Variants in ZC3H12B observed in about 807,000 individuals in gnomAD.
The protein encoded by ZC3H12B is probable ribonuclease ZC3H12B.
A neutral mutation model predicts 43.9 loss-of-function variants in ZC3H12B; 7 were observed. The ratio of observed to expected loss-of-function variants is 0.16; its 90% CI spans 0.09 to 0.30. The LOEUF (loss-of-function observed/expected upper bound fraction) is 0.30, where lower values mean the gene tolerates loss of function less well. Among genes scored for constraint, ZC3H12B ranks in the 10% least tolerant of loss-of-function variants. The pLI is 1.00. For synonymous variants in ZC3H12B, 222 were observed against 241.7 expected (o/e 0.92, Z 0.76); for missense variants, 475 against 670.2 (o/e 0.71, Z 3.22).
intron 3 of ZC3H12B, among the ~76,000 whole-genome samples, chrX:65,441,752 G>A (rs951420327): frequency 1.8e-5 from 2 of 111,390 alleles, no homozygotes; most frequent in Non-Finnish European, 3.8e-5. Context: ...TTTTGCAGGG[G>A]TTCCCCAGGC....
At chrX:65,378,914 G>A (rs1418106955) in intron 2 of ZC3H12B, among the ~76,000 whole-genome samples, 1 of 112,518 alleles carries the variant, frequency 8.9e-6, no homozygotes, top group African/African-American at 3.2e-5. Context: ...ATAAAAAATG[G>A]CGCACCAGGA....
the ZC3H12B span, among the ~76,000 whole-genome samples, chrX:65,266,235 C>A: frequency 8.9e-6 from 1 of 112,101 alleles, no homozygotes; most frequent in South Asian, 3.7e-4. Flanking sequence ...CACAGAGGTA[C>A]ATGGAACTAA....
chrX:65,207,534 G>A, the ZC3H12B span, among the ~76,000 whole-genome samples: 472 of 110,672 alleles, frequency 4.3e-3, 3 homozygotes, highest in African/African-American at 0.015. Context: ...TGGGTACAGT[G>A]TACACTGCTG....
At chrX:65,320,820 G>T in the ZC3H12B span, among the ~76,000 whole-genome samples, 1 of 112,063 alleles carries the variant, frequency 8.9e-6, no homozygotes, top group Non-Finnish European at 1.9e-5. Flanking sequence ...TTCAATAAAT[G>T]GTGCTGGGAT....
At chrX:65,095,184 G>C in the ZC3H12B span, among the ~76,000 whole-genome samples, 1 of 111,836 alleles carries the variant, frequency 8.9e-6, no homozygotes, top group Non-Finnish European at 1.9e-5. Flanking sequence ...TATTTTGTTA[G>C]ATTACAAAAT....
the ZC3H12B span, among the ~76,000 whole-genome samples, chrX:65,235,443 C>T: frequency 8.9e-6 from 1 of 111,856 alleles, no homozygotes; most frequent in Middle Eastern, 4.6e-3. Context: ...CTCTAATGAT[C>T]ATGTTACAAG....
At chrX:65,373,986 A>ATATATAGTTATATATATAC (rs2066299424) in intron 2 of ZC3H12B, among the ~76,000 whole-genome samples, 1 of 28,903 alleles carries the variant, frequency 3.5e-5, no homozygotes, top group Non-Finnish European at 5.1e-5. Context: ...TATATATACT[A>ATATATAGTTATATATATAC]TATATATATA....
At chrX:65,435,622 C>T (rs1323085641) in intron 3 of ZC3H12B, among the ~76,000 whole-genome samples, 7 of 107,294 alleles carry the variant, frequency 6.5e-5, no homozygotes, top group African/African-American at 2.4e-4. Context: ...AGTCAACGTT[C>T]TCCAGAGAAA....
chrX:65,422,294 T>C (rs964205180), intron 3 of ZC3H12B, among the ~76,000 whole-genome samples: 1 of 112,044 alleles, frequency 8.9e-6, no homozygotes, highest in African/African-American at 3.2e-5. Flanking sequence ...TGAGACCTTA[T>C]GCTCTGCTGA....
At chrX:65,148,784 A>C in the ZC3H12B span, among the ~76,000 whole-genome samples, 1 of 111,544 alleles carries the variant, frequency 9.0e-6, no homozygotes, top group Admixed American at 9.5e-5. Flanking sequence ...CTAATGTCTC[A>C]TCTGGTGTCT....
chrX:65,060,355 T>C, the ZC3H12B span, among the ~76,000 whole-genome samples: 1 of 112,244 alleles, frequency 8.9e-6, no homozygotes, highest in Non-Finnish European at 1.9e-5. Context: ...CCTTTAATTA[T>C]GTTGAGGTTT....
the ZC3H12B span, among the ~76,000 whole-genome samples, chrX:65,258,214 C>G: frequency 9.9e-5 from 11 of 111,658 alleles, no homozygotes; most frequent in African/African-American, 3.6e-4. Context: ...AAAAGCTAAT[C>G]CACCACAATC....
the ZC3H12B span, among the ~76,000 whole-genome samples, chrX:65,342,433 A>T: frequency 3.6e-5 from 4 of 112,350 alleles, no homozygotes; most frequent in Non-Finnish European, 5.6e-5. Context: ...TAGCAAATGA[A>T]AAAGAACTGA....
chrX:65,477,815 C>CTGTG (rs1491326766), intron 3 of ZC3H12B, among the ~76,000 whole-genome samples: 1 of 95,028 alleles, frequency 1.1e-5, no homozygotes, highest in Non-Finnish European at 2.0e-5. Context: ...AAAAACATTC[C>CTGTG]TCTGTGTGTG....
chrX:65,184,707 A>G, the ZC3H12B span, among the ~76,000 whole-genome samples: 1 of 111,735 alleles, frequency 8.9e-6, no homozygotes, highest in South Asian at 3.7e-4. Context: ...ACATCTAAAA[A>G]GAGATCTTAC....
chrX:65,098,673 A>T, the ZC3H12B span, among the ~76,000 whole-genome samples: 83 of 110,544 alleles, frequency 7.5e-4, no homozygotes, highest in Non-Finnish European at 1.2e-3. Context: ...CAGCCAAGGG[A>T]AGCCATGAGG....
At chrX:65,068,314 T>A in the ZC3H12B span, among the ~76,000 whole-genome samples, 1 of 110,896 alleles carries the variant, frequency 9.0e-6, no homozygotes, top group African/African-American at 3.3e-5. Flanking sequence ...TGTCTTCGTT[T>A]AGTGAAGGTT....
the ZC3H12B span, among the ~76,000 whole-genome samples, chrX:65,297,486 A>T: frequency 1.8e-5 from 2 of 111,793 alleles, no homozygotes; most frequent in Non-Finnish European, 3.8e-5. Context: ...CACTACTGAA[A>T]GAAATTATAT....
At chrX:65,050,728 G>T in the ZC3H12B span, among the ~76,000 whole-genome samples, 5 of 111,569 alleles carry the variant, frequency 4.5e-5, no homozygotes, top group Non-Finnish European at 9.4e-5. Context: ...CATATTAAGT[G>T]ATTTTTTATA....
Sources: allele counts gnomAD v4.1 joint callset (sites outside exome capture counted in the v4.1 genomes callset), GRCh38; gene constraint gnomAD v4.1.1; transcripts MANE v1.5; gene names NCBI Gene and HGNC (gene_info 2026-07-23, HGNC 2026-07-21).